KDM6A: variants seen among roughly 807,000 people sequenced by gnomAD.
The protein encoded by KDM6A is lysine-specific demethylase 6A.
A neutral mutation model predicts 117.6 loss-of-function variants in KDM6A; 11 were observed. That is an observed-to-expected ratio of 0.09 (90% CI 0.06 to 0.15). The LOEUF is 0.15. Among genes scored for constraint, KDM6A ranks in the 10% least tolerant of loss-of-function variants. KDM6A has a pLI of 1.00. For synonymous variants in KDM6A, 384 were observed against 396.1 expected (o/e 0.97, Z 0.36); for missense variants, 799 against 1,077.3 (o/e 0.74, Z 3.62).
chrX:44,921,519 A>G (rs1239782087), intron 2 of KDM6A, among the ~76,000 whole-genome samples: 1 of 111,392 alleles, frequency 9.0e-6, no homozygotes, highest in East Asian at 2.8e-4. Context: ...AATCCCCACA[A>G]TCATCTCCCC....
chrX:45,091,037 A>G (rs1036931011), intron 27 of KDM6A, among the ~76,000 whole-genome samples, 173 bp downstream of exon 27: 4 of 111,023 alleles, frequency 3.6e-5, no homozygotes, highest in Non-Finnish European at 7.6e-5. Flanking sequence ...CAAATAGCCC[A>G]CTATGGTACA....
intron 4 of KDM6A, among the ~76,000 whole-genome samples, chrX:44,985,534 T>C (rs1048313583): frequency 9.0e-6 from 1 of 111,727 alleles, no homozygotes; most frequent in Non-Finnish European, 1.9e-5. Flanking sequence ...CAGTATGATA[T>C]TGGCTGTGGG....
Position 44,874,706 on chromosome X carries a change from G to C in KDM6A, c.225+719G>C, listed in dbSNP as rs1359873760. 2.8e-5 allele frequency among the ~76,000 whole-genome samples: 3 copies of C among 107,052 alleles called. No individual in the cohort carries two copies. The Middle Eastern group carries it at 0.014, about 503-fold the overall frequency. 93.0% of individuals were successfully genotyped at this position (107,052 alleles called of 115,157 possible). On this transcript the variant is annotated intron_variant, in intron 2 of 29. Coordinates refer to ENST00000611820, the MANE Select transcript of KDM6A (RefSeq NM_001291415.2). ...TTTTTTATTTGTGTGGAAAGTTGTT[G>C]GCACTGTCATTTAGTTAAGTAATGG...
intron 10 of KDM6A, among the ~76,000 whole-genome samples, chrX:45,056,014 A>AT (rs201685225): frequency 0.17 from 18,658 of 109,990 alleles, 2,349 homozygotes; most frequent in African/African-American, 0.44. Flanking sequence ...GTATTTTATC[A>AT]TTTTTTTCCA....
chrX:44,874,137 C>A, intron 2 of KDM6A, 150 bp downstream of exon 2: 1 of 523,207 alleles, frequency 1.9e-6, no homozygotes, highest in Non-Finnish European at 3.3e-6. Flanking sequence ...GCTCTCCCCC[C>A]ACCCCCGGGT....
chrX:45,050,367 A>G (rs1403194868), intron 8 of KDM6A, among the ~76,000 whole-genome samples: 1 of 112,129 alleles, frequency 8.9e-6, no homozygotes, highest in Non-Finnish European at 1.9e-5. Context: ...GAAAAAACTG[A>G]TCATCTCAAT....
At chrX:44,931,891 C>CT (rs2036646400) in intron 2 of KDM6A, among the ~76,000 whole-genome samples, 1 of 110,366 alleles carries the variant, frequency 9.1e-6, no homozygotes, top group African/African-American at 3.3e-5. Context: ...TACAGTGTGT[C>CT]TGAGAATCCT....
chrX:44,952,627 G>C (rs1030562387), intron 2 of KDM6A, among the ~76,000 whole-genome samples: 3 of 111,964 alleles, frequency 2.7e-5, no homozygotes, highest in African/African-American at 6.5e-5. Flanking sequence ...AGGAAATAGA[G>C]AGACAGACAG....
intron 2 of KDM6A, among the ~76,000 whole-genome samples, chrX:44,951,003 T>C (rs148484149): frequency 0.023 from 2,597 of 110,614 alleles, 80 homozygotes; most frequent in African/African-American, 0.082. Flanking sequence ...CCACTTTCTT[T>C]TACGTGCCCA....
intron 8 of KDM6A, among the ~76,000 whole-genome samples, chrX:45,046,004 AAGAG>A (rs2043520708): frequency 9.0e-6 from 1 of 111,642 alleles, no homozygotes. Flanking sequence ...ACAGTATAAT[AAGAG>A]AGTCAATATA....
chrX:45,076,774 C>T lies in KDM6A; in HGVS notation c.2936C>T (p.Pro979Leu). The T allele has an allele frequency of 1.7e-6, 2 of 1,192,787 alleles. No individual in the cohort carries two copies. The highest frequency in any genetic ancestry group is 2.3e-6 in the Non-Finnish European group (2 of 880,016). The stretch of plus-strand genomic sequence containing the variant: ...CCACCTCCAAGACCACCATCTTCAC[C>T]ATACCCTCCCTTGCCAAAGGACAAG... ...KCPPPRPPSS[P>L]YPPLPKDKLN... Residue 979 changes from proline (P) to leucine (L), a missense_variant, in exon 19 of 30, where the codon CCA (proline) becomes CTA (leucine). By Grantham distance (98) the Pro-to-Leu change is moderately conservative. This residue lies in a region of KDM6A where 291 missense variants were observed against 437.9 expected (regional missense o/e 0.66). Transcript: ENST00000611820.
chrX:44,998,038 C>T (rs1193629001), intron 4 of KDM6A, among the ~76,000 whole-genome samples: 1 of 111,758 alleles, frequency 8.9e-6, no homozygotes, highest in Non-Finnish European at 1.9e-5. Flanking sequence ...ATTGTGGGGA[C>T]TTTTCAGAGG....
At chrX:44,875,052 T>G (rs2031351939) in intron 2 of KDM6A, among the ~76,000 whole-genome samples, 1 of 112,395 alleles carries the variant, frequency 8.9e-6, no homozygotes, top group Admixed American at 9.4e-5. Context: ...TTATATTTCC[T>G]GACCAAAATC....
rs1048522892 is a variant in KDM6A, at chrX:44,949,825, G to A, written c.226-11459G>A. Among the ~76,000 whole-genome samples the A allele has an allele frequency of 2.5e-4, 28 of 111,197 alleles. 1 individual carries two copies. The highest frequency in any genetic ancestry group is 9.2e-4 in the African/African-American group (28 of 30,557). On this transcript the variant is annotated intron_variant, in intron 2 of 29. Coordinates refer to ENST00000611820, the MANE Select transcript of KDM6A (RefSeq NM_001291415.2). ...TAGTCTTTTACCTTCATAAAGATATGGTCTACATAATTTTGCTGCAGGCGG... is the reference window on the plus strand; with the variant it reads ...TAGTCTTTTACCTTCATAAAGATATAGTCTACATAATTTTGCTGCAGGCGG...
At chrX:44,963,483 G>GTGTCTGTCTGTCTGTCTGTC (rs1556012411) in intron 3 of KDM6A, among the ~76,000 whole-genome samples, 3 of 40,884 alleles carry the variant, frequency 7.3e-5, no homozygotes, top group African/African-American at 2.3e-4. Context: ...GTGTGTGTGT[G>GTGTCTGTCTGTCTGTCTGTC]TGTCTGTCTG....
intron 18 of KDM6A, among the ~76,000 whole-genome samples, chrX:45,071,564 G>A (rs1256436698): frequency 1.8e-5 from 2 of 111,387 alleles, no homozygotes; most frequent in African/African-American, 6.5e-5. Context: ...TTATATATAA[G>A]TTTGCTGCTT....
Position 45,111,935 on chromosome X carries a change from T to G in KDM6A, c.*524T>G. 1 of 170,596 alleles carries G rather than the reference T, an allele frequency of 5.9e-6. No homozygotes were observed. The highest frequency in any genetic ancestry group is 3.2e-4 in the South Asian group (1 of 3,136). The allele number at this position is 170,596 out of a possible 1,213,427, so 14.1% of individuals were successfully genotyped here. ...GTTTTGAGACCATGATGGTTACACTTTTGGTTCCTAAATAAAATTTAAAAA... is the reference window on the plus strand; with the variant it reads ...GTTTTGAGACCATGATGGTTACACTGTTGGTTCCTAAATAAAATTTAAAAA... On this transcript the variant is annotated 3_prime_UTR_variant, in exon 30 of 30. Coordinates refer to ENST00000611820, the MANE Select transcript of KDM6A (RefSeq NM_001291415.2).
At chrX:44,919,116 A>G (rs992532886) in intron 2 of KDM6A, among the ~76,000 whole-genome samples, 2 of 111,918 alleles carry the variant, frequency 1.8e-5, no homozygotes, top group Non-Finnish European at 3.8e-5. Flanking sequence ...GCATTCCTGC[A>G]CTCAGTTTAC....
At chrX:44,970,312 A>T (rs936928119) in intron 3 of KDM6A, among the ~76,000 whole-genome samples, 1 of 111,978 alleles carries the variant, frequency 8.9e-6, no homozygotes, top group Non-Finnish European at 1.9e-5. Flanking sequence ...ATTCATATTT[A>T]TTTCTCAGTT....
Sources: gnomAD v4.1 joint callset for allele counts (sites outside exome capture counted in the v4.1 genomes callset) on GRCh38, gnomAD v4.1.1 for gene constraint, gnomAD v4.1.1 regional missense constraint, MANE v1.5 for transcripts, NCBI Gene and HGNC (gene_info 2026-07-23, HGNC 2026-07-21) for gene names.